The following MARCHF1 variants were observed in gnomAD, a reference collection of about 807,000 sequenced individuals.
MARCHF1 encodes membrane associated ring-CH-type finger 1, also known as E3 ubiquitin-protein ligase MARCHF1.
MARCHF1 carries 40 observed loss-of-function variants against 54.2 expected under a neutral mutation model. The ratio of observed to expected loss-of-function variants is 0.74; its 90% CI spans 0.57 to 0.96. MARCHF1 has a LOEUF of 0.96. MARCHF1 is among the 40% of genes least tolerant of loss of function. MARCHF1 has a pLI of 0.00. For missense variants in MARCHF1, 586 were observed against 656.5 expected (o/e 0.89, Z 1.17); for synonymous variants, 236 against 236.3 (o/e 1.00, Z 0.01).
intron 4 of MARCHF1, among the ~76,000 whole-genome samples, chr4:163,784,481 C>T (rs947252840): frequency 6.6e-6 from 1 of 152,026 alleles, no homozygotes; most frequent in Admixed American, 6.6e-5. Context: ...TATTTTATGC[C>T]ATGAGGAATC....
At chr4:163,713,860 C>T (rs1745181448) in intron 4 of MARCHF1, among the ~76,000 whole-genome samples, 1 of 152,046 alleles carries the variant, frequency 6.6e-6, no homozygotes, top group African/African-American at 2.4e-5. Context: ...GGTCACTTCT[C>T]GAAAAGTCTT....
intron 4 of MARCHF1, among the ~76,000 whole-genome samples, chr4:163,719,665 T>C (rs997264642): frequency 5.3e-5 from 8 of 151,660 alleles, no homozygotes; most frequent in Non-Finnish European, 1.2e-4. Flanking sequence ...AAAGTGTTCC[T>C]ATTTCTCCAT....
chr4:163,995,419 T>A (rs1753056610), intron 2 of MARCHF1, among the ~76,000 whole-genome samples: 1 of 152,046 alleles, frequency 6.6e-6, no homozygotes. Flanking sequence ...TTGGCTGATG[T>A]AATCAATTTA....
At chr4:163,700,913 AC>A in intron 4 of MARCHF1, 50 bp from the exon 5 acceptor site, 1 of 1,250,348 alleles carries the variant, frequency 8.0e-7, no homozygotes, top group Non-Finnish European at 1.1e-6. Flanking sequence ...TGGTACTTTC[AC>A]CATACTGTAC....
intron 4 of MARCHF1, among the ~76,000 whole-genome samples, chr4:163,813,220 A>G (rs901099909): frequency 3.3e-5 from 5 of 152,220 alleles, no homozygotes; most frequent in Non-Finnish European, 7.3e-5. Flanking sequence ...TAACCCTTAT[A>G]CTATCCATCA....
At chr4:164,238,431 A>G (rs1447917126) in intron 1 of MARCHF1, among the ~76,000 whole-genome samples, 1 of 152,110 alleles carries the variant, frequency 6.6e-6, no homozygotes, top group South Asian at 2.1e-4. Context: ...AATTTGCATG[A>G]CTTTACAAGG....
intron 1 of MARCHF1, among the ~76,000 whole-genome samples, chr4:164,191,220 C>T (rs1731115935): frequency 6.6e-6 from 1 of 152,180 alleles, no homozygotes; most frequent in African/African-American, 2.4e-5. Flanking sequence ...CTTTCTTAAT[C>T]CTCATATAGC....
intron 3 of MARCHF1, among the ~76,000 whole-genome samples, chr4:163,918,821 T>A (rs1328796999): frequency 1.3e-5 from 2 of 152,120 alleles, no homozygotes; most frequent in African/African-American, 2.4e-5. Flanking sequence ...CAATGTAAGC[T>A]CTGTGAGAAA....
At chr4:164,205,803 A>T (rs1405500895) in intron 1 of MARCHF1, among the ~76,000 whole-genome samples, 1 of 152,322 alleles carries the variant, frequency 6.6e-6, no homozygotes, top group East Asian at 1.9e-4. Context: ...ACCATAAAAA[A>T]TAGTGAAAAA....
At chr4:163,970,562 G>A (rs976547261) in intron 3 of MARCHF1, among the ~76,000 whole-genome samples, 4 of 152,140 alleles carry the variant, frequency 2.6e-5, no homozygotes, top group African/African-American at 9.7e-5. Flanking sequence ...TAAGTGGAAA[G>A]GAAGACAAAT....
At chr4:164,117,973 CAGTGA>C (rs1374983738) in intron 1 of MARCHF1, among the ~76,000 whole-genome samples, 3 of 151,896 alleles carry the variant, frequency 2.0e-5, no homozygotes, top group African/African-American at 7.3e-5. Context: ...TGAGTGAGAT[CAGTGA>C]AGTGATTTTT....
chr4:164,107,347 G>C (rs1368253860), intron 2 of MARCHF1, among the ~76,000 whole-genome samples: 1 of 151,996 alleles, frequency 6.6e-6, no homozygotes, highest in Non-Finnish European at 1.5e-5. Context: ...AAATAGGTTA[G>C]GGGATATTAA....
At chr4:164,144,581 T>C (rs1729614852) in intron 1 of MARCHF1, among the ~76,000 whole-genome samples, 1 of 150,776 alleles carries the variant, frequency 6.6e-6, no homozygotes, top group Non-Finnish European at 1.5e-5. Context: ...ACTGGGTACA[T>C]AACGAAATGA....
At chr4:164,137,706 A>G (rs1756431989) in intron 1 of MARCHF1, among the ~76,000 whole-genome samples, 1 of 152,216 alleles carries the variant, frequency 6.6e-6, no homozygotes, top group African/African-American at 2.4e-5. Flanking sequence ...AATAAAGTAC[A>G]CCATTAATAA....
chr4:163,988,947 C>T (rs1011010352), intron 2 of MARCHF1: 1 of 152,128 alleles, frequency 6.6e-6, no homozygotes, highest in Admixed American at 6.6e-5. Context: ...TTCTATGGTA[C>T]CTAATAACTG....
intron 3 of MARCHF1, among the ~76,000 whole-genome samples, chr4:163,988,286 T>C (rs1002720230): frequency 6.6e-6 from 1 of 152,288 alleles, no homozygotes; most frequent in South Asian, 2.1e-4. Context: ...GTAGGAAGTG[T>C]CCCTATGGAT....
intron 5 of MARCHF1, among the ~76,000 whole-genome samples, chr4:163,643,260 G>A (rs184298160): frequency 1.4e-4 from 22 of 151,776 alleles, no homozygotes; most frequent in Non-Finnish European, 2.9e-4. Context: ...CCTGGGAGGC[G>A]GAGGTTGCAG....
intron 1 of MARCHF1, among the ~76,000 whole-genome samples, chr4:164,224,087 T>C (rs940094741): frequency 6.6e-6 from 1 of 151,174 alleles, no homozygotes; most frequent in Non-Finnish European, 1.5e-5. Flanking sequence ...TGTCTAACCA[T>C]GGCCCACAGG....
chr4:164,065,881 G>C (rs1445654202), intron 2 of MARCHF1, among the ~76,000 whole-genome samples: 1 of 152,198 alleles, frequency 6.6e-6, no homozygotes, highest in Non-Finnish European at 1.5e-5. Flanking sequence ...AAATATAAGA[G>C]CCAGAAGATT....
Sources: allele counts gnomAD v4.1 joint callset (sites outside exome capture counted in the v4.1 genomes callset), GRCh38; gene constraint gnomAD v4.1.1; transcripts MANE v1.5; gene names NCBI Gene and HGNC (gene_info 2026-07-23, HGNC 2026-07-21).